The following DAPK2 variants were observed in gnomAD, a reference collection of about 807,000 sequenced individuals.
DAPK2 encodes the protein death associated protein kinase 2.
Under a neutral mutation model 44.1 loss-of-function variants are expected in DAPK2, and 35 were observed. That is an observed-to-expected ratio of 0.79 (90% CI 0.61 to 1.05). The LOEUF (loss-of-function observed/expected upper bound fraction) is 1.05. Ranked by LOEUF, DAPK2 falls within the 50% of genes least tolerant of loss-of-function variation. The pLI is 0.00. For synonymous variants in DAPK2, 174 were observed against 182.6 expected, an observed-to-expected ratio of 0.95 and a Z score of 0.38; for missense variants, 453 against 483.2, an observed-to-expected ratio of 0.94 and a Z score of 0.59.
At chr15:64,045,546 T>C (rs779974817) in intron 1 of DAPK2, among the ~76,000 whole-genome samples, 5 of 152,182 alleles carry the variant, frequency 3.3e-5, no homozygotes, top group African/African-American at 4.8e-5. Context: ...TCTCCTCCAG[T>C]GTGCACCACT....
upstream of DAPK2, among the ~76,000 whole-genome samples, chr15:64,041,358 C>T (rs987516372): frequency 2.0e-5 from 3 of 152,220 alleles, no homozygotes; most frequent in Non-Finnish European, 4.4e-5. Flanking sequence ...AGGCATCTCA[C>T]TGAAAGCCAT....
intron 1 of DAPK2, among the ~76,000 whole-genome samples, chr15:64,045,879 C>A (rs2080450327): frequency 6.6e-6 from 1 of 152,206 alleles, no homozygotes; most frequent in African/African-American, 2.4e-5. Context: ...CATCTGAGCA[C>A]CCTCCTCGCA....
chr15:63,911,889 A>G lies in DAPK2; in HGVS notation c.1032+19T>C. The G allele has an allele frequency of 6.2e-7, 1 of 1,610,670 alleles. No individual in the cohort carries two copies. Among genetic ancestry groups the G allele is most frequent in the Non-Finnish European group, 8.5e-7 (1 of 1,178,154 alleles). Reference sequence around the variant, plus strand: ...CTACCCCAGAATTCTGCCCAAGAAGAGGGCATGCATTTACCCACCAGGTCC... The same window carrying G: ...CTACCCCAGAATTCTGCCCAAGAAGGGGGCATGCATTTACCCACCAGGTCC... On this transcript the variant is annotated intron_variant, in intron 10 of 10. Transcript: ENST00000261891.
At chr15:64,039,208 T>C (rs1211296836) in intron 1 of DAPK2, among the ~76,000 whole-genome samples, 1 of 152,232 alleles carries the variant, frequency 6.6e-6, no homozygotes, top group Non-Finnish European at 1.5e-5. Context: ...AACACCTGTC[T>C]CAGATTTTCT....
intron 1 of DAPK2, among the ~76,000 whole-genome samples, chr15:64,010,377 T>C (rs2079357384): frequency 2.0e-5 from 3 of 152,194 alleles, no homozygotes; most frequent in South Asian, 4.1e-4. Flanking sequence ...TCAATAACAA[T>C]AGTAATAATA....
At chr15:63,945,728 C>T (rs572030752) in intron 3 of DAPK2, among the ~76,000 whole-genome samples, 1 of 152,214 alleles carries the variant, frequency 6.6e-6, no homozygotes, top group Non-Finnish European at 1.5e-5. Flanking sequence ...CCTCAGCCCC[C>T]CAACTGTAAG....
At position 63,966,076 on chromosome 15, in the gene DAPK2, A is replaced by ATC. The variant is rs1454228629; in HGVS notation, c.453+5345_453+5346dup. Among the ~76,000 whole-genome samples the ATC allele has an allele frequency of 6.6e-6, 1 of 152,144 alleles. No individual in the cohort carries two copies. Among genetic ancestry groups the ATC allele is most frequent in the Non-Finnish European group, 1.5e-5 (1 of 68,026 alleles). ...GAAGCCAGCATGTCTCTGAGTGCAC[A>ATC]TCTCTGAGTGATACACTGGATGTCA... On this transcript the variant is annotated intron_variant, in intron 3 of 10. Coordinates refer to ENST00000261891, the Ensembl canonical transcript of DAPK2. This position sits in a 1 kb window ranked among gnomAD's most constrained non-coding sequence, Gnocchi z 5.5.
At chr15:64,033,538 G>A (rs1379708322) in intron 1 of DAPK2, among the ~76,000 whole-genome samples, 2 of 152,188 alleles carry the variant, frequency 1.3e-5, no homozygotes, top group Non-Finnish European at 2.9e-5. Flanking sequence ...GCAAGTTGTT[G>A]ACTGTTATGG....
At chr15:63,925,133 T>C (rs1439129700) in intron 7 of DAPK2, among the ~76,000 whole-genome samples, 3 of 152,190 alleles carry the variant, frequency 2.0e-5, no homozygotes, top group African/African-American at 7.2e-5. Flanking sequence ...AGAAGAGTCA[T>C]AAATGCTCCA....
rs2078048716 is a variant in DAPK2 at position 63,966,141 on chromosome 15, G to A, written c.453+5282C>T. Among the ~76,000 whole-genome samples the A allele has an allele frequency of 6.6e-6, 1 of 152,132 alleles. No individual in the cohort carries two copies. The highest frequency in any genetic ancestry group is 2.1e-4 in the South Asian group (1 of 4,826). ...GGGCCCAGGGCCTCTGTAGTCAGCAGGTGATGAATCCTGCCAGGACTGGGT... is the reference window on the plus strand; with the variant it reads ...GGGCCCAGGGCCTCTGTAGTCAGCAAGTGATGAATCCTGCCAGGACTGGGT... On this transcript the variant is annotated intron_variant, in intron 3 of 10. Coordinates refer to ENST00000261891, the Ensembl canonical transcript of DAPK2. This position sits in a 1 kb window ranked among gnomAD's most constrained non-coding sequence, Gnocchi z 5.5.
chr15:63,981,192 C>T (rs2078501102), intron 2 of DAPK2, among the ~76,000 whole-genome samples: 1 of 151,774 alleles, frequency 6.6e-6, no homozygotes, highest in Non-Finnish European at 1.5e-5. Flanking sequence ...ATGGGTGGGA[C>T]TGGTAGCTAT....
In DAPK2 at chr15:64,013,856, C is replaced by G. The variant is rs1418518506; in HGVS notation, c.92+26314G>C. On this transcript the variant is annotated intron_variant, in intron 1 of 10. Coordinates refer to ENST00000261891, the Ensembl canonical transcript of DAPK2. The surrounding 1 kb of genome is among the most constrained non-coding windows in gnomAD (Gnocchi z 4.7). ...AGCCTCACATGAATAAATCATGATG[C>G]CATTATGAGCAGATAGAAATCTCCT... Among the ~76,000 whole-genome samples the G allele has an allele frequency of 6.6e-6, 1 of 152,156 alleles. No individual in the cohort carries two copies. Among genetic ancestry groups the G allele is most frequent in the Non-Finnish European group, 1.5e-5 (1 of 68,016 alleles).
chr15:63,972,758 T>C (rs990344624), intron 2 of DAPK2, among the ~76,000 whole-genome samples: 7 of 152,180 alleles, frequency 4.6e-5, no homozygotes, highest in African/African-American at 9.7e-5. Flanking sequence ...GACAAAATTG[T>C]TACTCAAAGG....
intron 10 of DAPK2, chr15:63,909,334 T>C (rs934583976): frequency 8.1e-6 from 1 of 123,452 alleles, no homozygotes; most frequent in Admixed American, 7.6e-5. Context: ...ATCATTACTC[T>C]TTTTTTTTTT....
At position 63,923,961 on chromosome 15, in the gene DAPK2, C is replaced by G. The variant is rs1193419233; in HGVS notation, c.858+855G>C. 2.6e-5 allele frequency among the ~76,000 whole-genome samples: 4 copies of G among 152,208 alleles called. No individual in the cohort carries two copies. The highest frequency in any genetic ancestry group is 5.9e-5 in the Non-Finnish European group (4 of 68,030). On this transcript the variant is annotated intron_variant, in intron 8 of 10. Coordinates refer to ENST00000261891, the Ensembl canonical transcript of DAPK2. The surrounding 1 kb of genome is among the most constrained non-coding windows in gnomAD (Gnocchi z 4.2). ...TCGGCCTCCCAAAGTGCTGGGATTA[C>G]AGGCATGAGCCACTGCACCTGGCCT...
chr15:63,907,080 A>G (rs1017548390), exon 11 of DAPK2: 37 of 152,174 alleles, frequency 2.4e-4, no homozygotes, highest in African/African-American at 8.4e-4. Context: ...TTTTGAGGCC[A>G]GAGTCTAAGA....
intron 6 of DAPK2, 183 bp from the exon 8 acceptor site, chr15:63,926,276 C>G: frequency 1.8e-6 from 1 of 567,528 alleles, no homozygotes; most frequent in Non-Finnish European, 3.0e-6. Context: ...AATACATGTT[C>G]ATGGAGCTCC....
chr15:63,909,143 T>G (rs2078718590), intron 10 of DAPK2: 1 of 152,216 alleles, frequency 6.6e-6, no homozygotes, highest in Non-Finnish European at 1.5e-5. Context: ...GTCTGTCAGT[T>G]CCTACATGGC....
intron 4 of DAPK2, among the ~76,000 whole-genome samples, chr15:63,931,115 C>T (rs1595733936): frequency 6.6e-6 from 1 of 152,068 alleles, no homozygotes; most frequent in African/African-American, 2.4e-5. Context: ...TTGTTTGCCC[C>T]TTTGGTCATT....
Sources: gnomAD v4.1 joint callset for allele counts (sites outside exome capture counted in the v4.1 genomes callset) on GRCh38, gnomAD v4.1.1 for gene constraint, Gnocchi (gnomAD v3.1) non-coding constraint, MANE v1.5 for transcripts, NCBI Gene and HGNC (gene_info 2026-07-23, HGNC 2026-07-21) for gene names.